The following KRT79 variants were observed in gnomAD, a reference collection of about 807,000 sequenced individuals.
KRT79 encodes the protein keratin 79, also known as keratin, type II cytoskeletal 79.
A neutral mutation model predicts 49.0 loss-of-function variants in KRT79; 51 were observed. The ratio of observed to expected loss-of-function variants is 1.04; its 90% CI spans 0.83 to 1.31. The LOEUF is 1.31. KRT79 is among the 40% of genes most tolerant of loss of function. The pLI is 0.00. For missense variants in KRT79, 728 were observed against 688.0 expected (o/e 1.06, Z -0.65); for synonymous variants, 312 against 286.6 (o/e 1.09, Z -0.90).
chr12:52,831,679 G>C, intron 1 of KRT79, 53 bp from the exon 2 acceptor site: 1 of 1,456,786 alleles, frequency 6.9e-7, no homozygotes, highest in Non-Finnish European at 9.6e-7. Context: ...CACCAGAGGA[G>C]CCAAGGATGG....
chr12:52,826,403 C>A (rs1940176216), intron 4 of KRT79, among the ~76,000 whole-genome samples: 1 of 151,276 alleles, frequency 6.6e-6, no homozygotes, highest in African/African-American at 2.4e-5. Flanking sequence ...ATCCCAGCTA[C>A]TTGGGAGGCT....
intron 5 of KRT79, 71 bp from the exon 6 acceptor site, chr12:52,824,083 C>T: frequency 6.2e-7 from 1 of 1,612,860 alleles, no homozygotes; most frequent in Non-Finnish European, 8.5e-7. Context: ...AGGCCCCATG[C>T]AAGTTGAGTA....
chr12:52,828,804 C>T (rs1289510220), intron 4 of KRT79, among the ~76,000 whole-genome samples: 1 of 152,186 alleles, frequency 6.6e-6, no homozygotes, highest in East Asian at 1.9e-4. Context: ...TGGAACCTCC[C>T]TCCCCACCCC....
At position 52,833,836 on chromosome 12, in the gene KRT79, T is replaced by G; in HGVS notation, c.425A>C (p.Glu142Ala). 1 of 1,613,746 alleles carries G rather than the reference T, an allele frequency of 6.2e-7. No individual in the cohort carries two copies. The highest frequency in any genetic ancestry group is 8.5e-7 in the Non-Finnish European group (1 of 1,179,950). ...GTTGAGGGTCTTGATCTGCTCCCGC[T>G]CCTGAGTGCGCACTCGCTGGATCTC... ...DPEIQRVRTQ[E>A]REQIKTLNNK... Residue 142 changes from glutamate to alanine, a missense_variant, in exon 1 of 9, where the codon GAG becomes GCG. Physicochemically the swap from Glu to Ala is moderately radical, Grantham distance 107. Transcript: ENST00000330553.
At chr12:52,824,151 T>C in intron 5 of KRT79, 47 bp downstream of exon 5, 1 of 1,613,584 alleles carries the variant, frequency 6.2e-7, no homozygotes, top group Non-Finnish European at 8.5e-7. Flanking sequence ...CGATGGGAGA[T>C]CTGATCCGAC....
Position 52,824,298 on chromosome 12 carries a change from C to T in KRT79, c.920G>A (p.Arg307His), listed in dbSNP as rs772070376. The change falls in exon 5 of 9, where the codon CGC (arginine) becomes CAC (histidine). Residue 307 changes from arginine (R) to histidine (H), a missense_variant. Arg to His is a conservative substitution (Grantham distance 29, BLOSUM62 0). Coordinates refer to ENST00000330553, the MANE Select transcript of KRT79 (RefSeq NM_175834.3). ...GATGATGCTGTCCAGGTCCAGGTTG[C>T]GGTTGTTGTCCATGGACAGCACCAC... ...TNVVLSMDNN[R>H]NLDLDSIIAE... 1.2e-5 allele frequency: 20 copies of T among 1,614,186 alleles called. No individual in the cohort carries two copies. Among genetic ancestry groups the T allele is most frequent in the Non-Finnish European group, 1.6e-5 (19 of 1,180,034 alleles).
intron 1 of KRT79, 126 bp from the exon 2 acceptor site, chr12:52,831,752 C>T: frequency 4.1e-6 from 3 of 726,086 alleles, no homozygotes; most frequent in Non-Finnish European, 6.9e-6. Flanking sequence ...CGCACCTACA[C>T]TTTGCTGTGG....
At chr12:52,828,913 C>G (rs1487994899) in intron 4 of KRT79, among the ~76,000 whole-genome samples, 3 of 152,146 alleles carry the variant, frequency 2.0e-5, no homozygotes, top group Non-Finnish European at 4.4e-5. Flanking sequence ...AAAGGGCTAT[C>G]ATGTGAAAGG....
chr12:52,830,066 G>C lies in KRT79; in HGVS notation c.812C>G (p.Thr271Ser). ...GRMDLHGKVG[T>S]LTQEIDFLQQ... ...CAGGAAGTCAATCTCCTGGGTCAAGGTGCCCACTTTGCCATGCAGATCCAT... is the reference window on the plus strand; with the variant it reads ...CAGGAAGTCAATCTCCTGGGTCAAGCTGCCCACTTTGCCATGCAGATCCAT... Residue 271 changes from threonine (T) to serine (S), a missense_variant, in exon 4 of 9, where the codon ACC becomes AGC. Physicochemically the swap from Thr to Ser is moderately conservative, Grantham distance 58 (BLOSUM62 1). Transcript: ENST00000330553. 2 of 1,614,150 alleles carry C rather than the reference G, an allele frequency of 1.2e-6. No individual in the cohort carries two copies. Among genetic ancestry groups the C allele is most frequent in the South Asian group, 2.2e-5 (2 of 91,082 alleles).
intron 2 of KRT79, 88 bp from the exon 3 acceptor site, chr12:52,830,380 G>T (rs1489753506): frequency 1.9e-6 from 2 of 1,074,558 alleles, no homozygotes; most frequent in Non-Finnish European, 2.9e-6. Flanking sequence ...AGCCCTGATG[G>T]GTCCCTCACT....
chr12:52,830,480 C>T (rs1344923121), intron 2 of KRT79, 188 bp from the exon 3 acceptor site: 2 of 585,274 alleles, frequency 3.4e-6, no homozygotes, highest in African/African-American at 3.7e-5. Flanking sequence ...TTCTCTCTCC[C>T]CACCCCATTT....
chr12:52,824,168 C>T, intron 5 of KRT79, 30 bp downstream of exon 5: 1 of 1,614,024 alleles, frequency 6.2e-7, no homozygotes, highest in Non-Finnish European at 8.5e-7. Context: ...CGACCCCAGG[C>T]CTCACACCTG....
chr12:52,833,380 T>C (rs1940284028), intron 1 of KRT79, among the ~76,000 whole-genome samples: 1 of 152,214 alleles, frequency 6.6e-6, no homozygotes, highest in Admixed American at 6.5e-5. Context: ...TTTCAACTCC[T>C]GAGCATTGTT....
intron 8 of KRT79, 114 bp downstream of exon 8, chr12:52,822,231 C>G (rs1214843508): frequency 1.5e-6 from 2 of 1,319,152 alleles, no homozygotes; most frequent in African/African-American, 2.9e-5. Flanking sequence ...GAACCTGTCT[C>G]CAGGGGCTCG....
intron 4 of KRT79, among the ~76,000 whole-genome samples, chr12:52,826,094 C>T (rs866004633): frequency 3.9e-5 from 6 of 152,052 alleles, no homozygotes; most frequent in African/African-American, 1.5e-4. Context: ...CATCCTGCCC[C>T]TGCCCTCCTT....
rs762327609 is a variant in KRT79 at position 52,830,028 on chromosome 12, C to T, written c.850G>A (p.Glu284Lys). 5.3e-5 allele frequency: 85 copies of T among 1,614,068 alleles called. No homozygotes were observed. The highest frequency in any genetic ancestry group is 7.2e-5 in the Non-Finnish European group (85 of 1,179,996). ...CTGCCCATTGGCCACCTCACCATTT[C>T]ATAGAGTTGCTGCAGGAAGTCAATC... is the stretch of plus-strand genomic sequence containing the variant. Reference protein sequence around the residue: ...QEIDFLQQLYEMELSQVQTHV... With the variant: ...QEIDFLQQLYKMELSQVQTHV... The change falls in exon 4 of 9, where the codon GAA becomes AAA. Residue 284 changes from glutamate to lysine, a missense_variant. By Grantham distance (56) the Glu-to-Lys change is moderately conservative. Coordinates refer to ENST00000330553, the MANE Select transcript of KRT79 (RefSeq NM_175834.3).
chr12:52,826,281 C>T (rs1293718695), intron 4 of KRT79, among the ~76,000 whole-genome samples: 1 of 152,090 alleles, frequency 6.6e-6, no homozygotes, highest in Non-Finnish European at 1.5e-5. Flanking sequence ...TGCAGTGGCT[C>T]ACACCTGTAA....
intron 5 of KRT79, 70 bp downstream of exon 5, chr12:52,824,128 C>T (rs1592316458): frequency 4.3e-6 from 7 of 1,612,460 alleles, no homozygotes; most frequent in African/African-American, 2.7e-5. Flanking sequence ...GTCCCAGAGG[C>T]CCAAGCCTCT....
intron 2 of KRT79, 56 bp downstream of exon 2, chr12:52,831,350 G>C (rs183692821): frequency 6.5e-7 from 1 of 1,536,648 alleles, no homozygotes; most frequent in Non-Finnish European, 9.0e-7. Flanking sequence ...CTCTTGGCAG[G>C]TTTCCCACTG....
Sources: allele counts gnomAD v4.1 joint callset (sites outside exome capture counted in the v4.1 genomes callset), GRCh38; gene constraint gnomAD v4.1.1; transcripts MANE v1.5; gene names NCBI Gene and HGNC (gene_info 2026-07-23, HGNC 2026-07-21).